Variants in LOXHD1 observed in about 807,000 individuals in gnomAD.
LOXHD1 encodes the protein lipoxygenase homology PLAT domains 1.
LOXHD1 carries 205 observed loss-of-function variants against 248.2 expected under a neutral mutation model. The ratio of observed to expected loss-of-function variants is 0.83; its 90% CI spans 0.74 to 0.93. The LOEUF is 0.93. Ranked by LOEUF, LOXHD1 falls within the 40% of genes least tolerant of loss-of-function variation. LOXHD1 has a pLI of 0.00. For synonymous variants in LOXHD1, 1,113 were observed against 1,162.8 expected, an observed-to-expected ratio of 0.96 and a Z score of 0.87; for missense variants, 2,930 against 2,971.6, an observed-to-expected ratio of 0.99 and a Z score of 0.33.
rs374908392 is a variant in LOXHD1, at chr18:46,501,781, T to C, written c.5878+4057A>G. On this transcript the variant is annotated intron_variant, in intron 37 of 40. Coordinates refer to ENST00000642948, the MANE Select transcript of LOXHD1 (RefSeq NM_001384474.1). ...CGTGAATAGTGAGAGCCAGCTGTAA[T>C]TGATTTGTTAACAGAAATAAACATT... Among the ~76,000 whole-genome samples, 347 of 152,324 alleles carry C rather than the reference T, an allele frequency of 2.3e-3. 3 individuals are homozygous for C. The highest frequency in any genetic ancestry group is 8.1e-3 in the African/African-American group (336 of 41,578).
intron 4 of LOXHD1, among the ~76,000 whole-genome samples, chr18:46,630,335 T>C (rs2038803951): frequency 6.6e-6 from 1 of 152,230 alleles, no homozygotes; most frequent in South Asian, 2.1e-4. Context: ...AGCCACATGA[T>C]CATCTCAGTG....
In LOXHD1 at chr18:46,483,604, C is replaced by T. The variant is rs1158242397; in HGVS notation, c.6324G>A (p.Glu2108=). The T allele has an allele frequency of 1.3e-6, 2 of 1,551,572 alleles. No individual in the cohort carries two copies. Among genetic ancestry groups the T allele is most frequent in the Admixed American group, 3.9e-5 (2 of 50,976 alleles). The change falls in exon 40 of 41, where the codon GAG becomes GAA. Residue 2108 remains glutamate, a synonymous_variant. Transcript: ENST00000642948. ...AWHVKTITIT[E]MEYGNVYFFN... ...GTACATACACATTGCCGTACTCCAT[C>T]TCGGTGATGGTGATGGTCTTGACAT...
intron 12 of LOXHD1, among the ~76,000 whole-genome samples, chr18:46,590,948 T>C (rs1450533918): frequency 1.3e-5 from 2 of 152,246 alleles, no homozygotes; most frequent in African/African-American, 2.4e-5. Flanking sequence ...AAGCATTGCC[T>C]AATTAAACTA....
intron 4 of LOXHD1, among the ~76,000 whole-genome samples, chr18:46,627,673 A>G (rs2038762134): frequency 6.6e-6 from 1 of 152,142 alleles, no homozygotes; most frequent in African/African-American, 2.4e-5. Context: ...CCACAGTGAA[A>G]ATATGAGGTG....
At chr18:46,642,104 G>T in intron 2 of LOXHD1, 68 bp from the exon 3 acceptor site, 3 of 1,395,640 alleles carry the variant, frequency 2.1e-6, no homozygotes, top group South Asian at 1.2e-5. Context: ...AGAGCCAAGG[G>T]CTGGCATTCC....
rs199954342 is a variant in LOXHD1, at chr18:46,520,282, G to C, written c.5271+815C>G. The C allele has an allele frequency of 2.3e-5, 11 of 471,058 alleles. No individual in the cohort carries two copies. The East Asian group carries it at 7.6e-4, about 33-fold the overall frequency. 29.2% of individuals were successfully genotyped at this position (471,058 alleles called of 1,614,324 possible). A position where few individuals can be genotyped will look rare whatever the true frequency, so the allele number is the denominator to read the frequency against. On this transcript the variant is annotated intron_variant, in intron 33 of 40. Coordinates refer to ENST00000642948, the MANE Select transcript of LOXHD1 (RefSeq NM_001384474.1). Reference sequence around the variant, plus strand: ...TGTAGGCAGAGCACACTCAGGTCCAGGTGATTTCTTCTCACCTTTGTGGGA... The same window carrying C: ...TGTAGGCAGAGCACACTCAGGTCCACGTGATTTCTTCTCACCTTTGTGGGA...
At position 46,525,097 on chromosome 18, in the gene LOXHD1, T is replaced by A. The variant is rs11663495; in HGVS notation, c.4531-180A>T. Among the ~76,000 whole-genome samples, 13,280 of 152,246 alleles carry A rather than the reference T, an allele frequency of 0.087. 653 individuals carry two copies. The highest frequency in any genetic ancestry group is 0.1 in the Non-Finnish European group (6,828 of 68,024). On this transcript the variant is annotated intron_variant, in intron 29 of 40. Transcript: ENST00000642948. Reference sequence around the variant, plus strand: ...AGCCTGTGGGGTCCAAGGCCTCATATCCACAGTGGTCCCATTTTGCAGTCC... The same window carrying A: ...AGCCTGTGGGGTCCAAGGCCTCATAACCACAGTGGTCCCATTTTGCAGTCC...
chr18:46,486,957 G>A (rs966670675), intron 38 of LOXHD1, among the ~76,000 whole-genome samples: 5 of 152,276 alleles, frequency 3.3e-5, no homozygotes, highest in South Asian at 2.1e-4. Context: ...CACACGAAGC[G>A]GCTTGATAAA....
At chr18:46,481,175 C>G (rs937793367) in intron 40 of LOXHD1, among the ~76,000 whole-genome samples, 2 of 152,166 alleles carry the variant, frequency 1.3e-5, no homozygotes, top group African/African-American at 4.8e-5. Flanking sequence ...CAGTGTTAAG[C>G]AAGTGGTTTT....
chr18:46,513,290 G>A (rs1263386735), intron 34 of LOXHD1, among the ~76,000 whole-genome samples: 1 of 152,238 alleles, frequency 6.6e-6, no homozygotes, highest in East Asian at 1.9e-4. Context: ...TCCATGCTCT[G>A]TGGATTGTAG....
intron 21 of LOXHD1, 83 bp downstream of exon 21, chr18:46,557,273 A>G: frequency 3.1e-6 from 4 of 1,279,996 alleles, no homozygotes; most frequent in Non-Finnish European, 4.2e-6. Flanking sequence ...GCCCACCCCC[A>G]GTCTTCTTCC....
At chr18:46,514,602 A>C (rs2144032270) in intron 34 of LOXHD1, among the ~76,000 whole-genome samples, 1 of 152,292 alleles carries the variant, frequency 6.6e-6, no homozygotes, top group East Asian at 1.9e-4. Context: ...CCTTTCCTGA[A>C]AGGGCAACTG....
chr18:46,638,943 C>T (rs1302914105), intron 4 of LOXHD1, among the ~76,000 whole-genome samples: 1 of 152,182 alleles, frequency 6.6e-6, no homozygotes, highest in Non-Finnish European at 1.5e-5. Context: ...TCTATGAGAG[C>T]AGGGTATTCT....
chr18:46,541,963 A>T (rs1478622107), intron 24 of LOXHD1, 23 bp from the exon 25 acceptor site: 4 of 1,543,648 alleles, frequency 2.6e-6, no homozygotes, highest in African/African-American at 2.7e-5. Context: ...GAGACACAAA[A>T]CCCATCAAGG....
intron 17 of LOXHD1, among the ~76,000 whole-genome samples, chr18:46,564,556 TA>T (rs1258308432): frequency 1.3e-5 from 2 of 151,818 alleles, no homozygotes; most frequent in Non-Finnish European, 2.9e-5. Flanking sequence ...TAAAAATTGA[TA>T]GGTATATTGT....
At chr18:46,579,887 T>C in intron 12 of LOXHD1, 103 bp from the exon 13 acceptor site, 1 of 1,377,296 alleles carries the variant, frequency 7.3e-7, no homozygotes, top group East Asian at 2.5e-5. Context: ...CTCCTTCTAG[T>C]TCTCATCTGG....
chr18:46,579,773 G>A lies in LOXHD1; in HGVS notation c.1666C>T (p.His556Tyr). The change falls in exon 13 of 41, where the codon CAT becomes TAT. Residue 556 changes from histidine to tyrosine, a missense_variant. His to Tyr is a moderately conservative substitution (Grantham distance 83). Coordinates refer to ENST00000642948, the MANE Select transcript of LOXHD1 (RefSeq NM_001384474.1). ...AGTTCACCTGTGCACACAGTCACAT[G>A]GTACCGGGCCACTGGCAGGCAGAGA... ...VRRIMGMARY[H>Y]VTVCTGELEG... 1 of 1,551,666 alleles carries A rather than the reference G, an allele frequency of 6.4e-7. No individual in the cohort carries two copies. Among genetic ancestry groups the A allele is most frequent in the Non-Finnish European group, 8.7e-7 (1 of 1,146,904 alleles).
intron 37 of LOXHD1, among the ~76,000 whole-genome samples, chr18:46,500,556 C>T (rs572146022): frequency 1.9e-4 from 29 of 152,316 alleles, no homozygotes; most frequent in African/African-American, 6.5e-4. Context: ...TTATTTTCTT[C>T]TCCATGTAAC....
chr18:46,559,432 G>C lies in LOXHD1; in HGVS notation c.3216+16C>G, dbSNP rs1410578126. 1.3e-6 allele frequency: 2 copies of C among 1,552,056 alleles called. No homozygotes were observed. Among genetic ancestry groups the C allele is most frequent in the East Asian group, 4.9e-5 (2 of 40,930 alleles). ...ACCCACAGCCCCCACCCAGGGGCCA[G>C]AGACCCTCACCCTACCTGCCCCTGC... On this transcript the variant is annotated intron_variant, in intron 20 of 40. Coordinates refer to ENST00000642948, the MANE Select transcript of LOXHD1 (RefSeq NM_001384474.1).
Sources: allele counts gnomAD v4.1 joint callset (sites outside exome capture counted in the v4.1 genomes callset), GRCh38; gene constraint gnomAD v4.1.1; transcripts MANE v1.5; gene names NCBI Gene and HGNC (gene_info 2026-07-23, HGNC 2026-07-21).